The following NUP107 variants were observed in gnomAD, a reference collection of about 807,000 sequenced individuals.
NUP107 encodes the protein nuclear pore complex protein Nup107.
NUP107 carries 101 observed loss-of-function variants against 141.0 expected under a neutral mutation model. That is an observed-to-expected ratio of 0.72 (90% CI 0.61 to 0.84). NUP107 has a LOEUF of 0.84. Among genes scored for constraint, NUP107 ranks in the 40% least tolerant of loss-of-function variants. The pLI, the probability that NUP107 is intolerant of heterozygous loss-of-function variation, is 0.00. For synonymous variants in NUP107, 319 were observed against 363.9 expected (o/e 0.88, Z 1.41); for missense variants, 941 against 1,102.7 (o/e 0.85, Z 2.08).
chr12:68,726,778 A>C (rs568703356), intron 19 of NUP107, among the ~76,000 whole-genome samples, 161 bp downstream of exon 19: 31 of 152,314 alleles, frequency 2.0e-4, no homozygotes, highest in African/African-American at 7.2e-4. Context: ...TAACTCACTG[A>C]GAGTGGCCCT....
In NUP107 at chr12:68,743,641, T is replaced by C. The variant is rs1442778835; in HGVS notation, c.*1179T>C. The C allele has an allele frequency of 2.6e-5, 4 of 152,138 alleles. No homozygotes were observed. The highest frequency in any genetic ancestry group is 9.7e-5 in the African/African-American group (4 of 41,422). 9.4% of individuals were successfully genotyped at this position (152,138 alleles called of 1,614,324 possible). The stretch of plus-strand genomic sequence containing the variant: ...CAAATAGGCTAGAGTGTAGGGCTTA[T>C]AAACAGGAGACAACTAAAAGAATGT... On this transcript the variant is annotated 3_prime_UTR_variant, in exon 28 of 28. Transcript: ENST00000229179.
Position 68,742,232 on chromosome 12 carries a change from G to T in NUP107, c.2671-123G>T, listed in dbSNP as rs547709014. On this transcript the variant is annotated intron_variant, in intron 27 of 27. Coordinates refer to ENST00000229179, the MANE Select transcript of NUP107 (RefSeq NM_020401.4). ...GAACCACTCTAATTTACTAGGCTCT[G>T]GCTACATAAATCTTAAAGAGGCATT... is the stretch of plus-strand genomic sequence containing the variant. The T allele has an allele frequency of 1.8e-5, 12 of 667,844 alleles. No individual in the cohort carries two copies. In the East Asian group the frequency reaches 3.3e-4, roughly 19 times the overall value. The allele number at this position is 667,844 out of a possible 1,614,324, so 41.4% of individuals were successfully genotyped here. A position where few individuals can be genotyped will look rare whatever the true frequency, so the allele number is the denominator to read the frequency against.
intron 12 of NUP107, among the ~76,000 whole-genome samples, chr12:68,718,846 T>TTATGTATGTATG (rs72374995): frequency 3.9e-4 from 58 of 148,958 alleles, no homozygotes; most frequent in East Asian, 1.0e-3. Context: ...TAGAATGCCA[T>TTATGTATGTATG]TATGTATGTA....
Position 68,729,604 on chromosome 12 carries a change from T to A in NUP107, c.1735-1506T>A, listed in dbSNP as rs12578315. On this transcript the variant is annotated intron_variant, in intron 20 of 27. Transcript: ENST00000229179. Reference sequence around the variant, plus strand: ...TATTACAGGTGTGCACCACCACGCCTGGCTAATTTTGTATTTTTAGTAGAG... The same window carrying A: ...TATTACAGGTGTGCACCACCACGCCAGGCTAATTTTGTATTTTTAGTAGAG... Among the ~76,000 whole-genome samples the A allele has an allele frequency of 7.9e-4, 120 of 151,742 alleles. 1 individual carries two copies. In the East Asian group the frequency reaches 0.022, roughly 28 times the overall value.
At chr12:68,730,619 C>T (rs189951400) in intron 20 of NUP107, among the ~76,000 whole-genome samples, 30 of 152,312 alleles carry the variant, frequency 2.0e-4, no homozygotes, top group South Asian at 1.7e-3. Context: ...AAAAAATCCA[C>T]GGTTCAAACC....
chr12:68,734,952 A>G, intron 25 of NUP107, 119 bp downstream of exon 25: 1 of 1,153,540 alleles, frequency 8.7e-7, no homozygotes, highest in Non-Finnish European at 1.2e-6. Flanking sequence ...CTCCCTGTTA[A>G]TGTCCTGCTT....
At chr12:68,719,502 C>G in intron 13 of NUP107, 71 bp downstream of exon 13, 1 of 1,552,550 alleles carries the variant, frequency 6.4e-7, no homozygotes, top group South Asian at 1.1e-5. Flanking sequence ...TCTTTGTGAA[C>G]TATAGCTTCT....
intron 17 of NUP107, 71 bp from the exon 18 acceptor site, chr12:68,725,656 G>T: frequency 1.3e-6 from 1 of 762,558 alleles, no homozygotes; most frequent in Non-Finnish European, 2.2e-6. Flanking sequence ...AACATTTTTA[G>T]TTTAACAGTG....
chr12:68,727,505 C>A lies in NUP107; in HGVS notation c.1734+116C>A, dbSNP rs936442346. ...GAAAGCATCAGAATCCATAAGAGAT[C>A]TTTTAATTATCAGCACAGTTGACCT... On this transcript the variant is annotated intron_variant, in intron 20 of 27. Transcript: ENST00000229179. 1.2e-5 allele frequency: 7 copies of A among 595,396 alleles called. No homozygotes were observed. In the Admixed American group the frequency reaches 1.6e-4, roughly 14 times the overall value. The allele number at this position is 595,396 out of a possible 1,614,324, so 36.9% of individuals were successfully genotyped here.
At chr12:68,741,307 GTTCTGTTT>G (rs1378396687) in intron 26 of NUP107, among the ~76,000 whole-genome samples, 1 of 151,814 alleles carries the variant, frequency 6.6e-6, no homozygotes, top group Non-Finnish European at 1.5e-5. Flanking sequence ...AAATCTATAG[GTTCTGTTT>G]TTCTGTTTTT....
chr12:68,710,660 A>AC (rs1475731484), intron 10 of NUP107, among the ~76,000 whole-genome samples: 3 of 151,706 alleles, frequency 2.0e-5, no homozygotes, highest in Admixed American at 6.6e-5. Flanking sequence ...TTAAAAAAAA[A>AC]AAAAAAAAAC....
chr12:68,707,684 A>G (rs1297016848), intron 8 of NUP107, among the ~76,000 whole-genome samples: 1 of 152,240 alleles, frequency 6.6e-6, no homozygotes, highest in Admixed American at 6.5e-5. Flanking sequence ...ACAACTATTT[A>G]CATATGTAGC....
Position 68,700,805 on chromosome 12 carries a change from T to G in NUP107, c.632T>G (p.Leu211Arg), listed in dbSNP as rs765164848. 12 of 1,610,274 alleles carry G rather than the reference T, an allele frequency of 7.5e-6. No individual in the cohort carries two copies. Among genetic ancestry groups the G allele is most frequent in the African/African-American group, 1.3e-5 (1 of 74,742 alleles). The change falls in exon 7 of 28, where the codon CTT (leucine) becomes CGT (arginine). Residue 211 changes from leucine (L) to arginine (R), a missense_variant. By Grantham distance (102) the Leu-to-Arg change is moderately radical. Coordinates refer to ENST00000229179, the MANE Select transcript of NUP107 (RefSeq NM_020401.4). ...KFSKTASMLW[L>R]LQQEMVTWRL... ...TCAAAAACAGCCAGTATGCTCTGGC[T>G]TCTTCAACAGGAGATGGTCACATGG...
chr12:68,705,900 C>T, intron 8 of NUP107: 1 of 876,456 alleles, frequency 1.1e-6, no homozygotes, highest in South Asian at 1.3e-5. Flanking sequence ...CTGTGTGCAC[C>T]CAGGTGAAGG....
At chr12:68,701,526 A>G (rs1355783718) in intron 7 of NUP107, among the ~76,000 whole-genome samples, 1 of 151,962 alleles carries the variant, frequency 6.6e-6, no homozygotes, top group Non-Finnish European at 1.5e-5. Context: ...TACTAAAAAT[A>G]CAAAAATTAG....
At chr12:68,735,699 T>G (rs1878039412) in intron 26 of NUP107, among the ~76,000 whole-genome samples, 1 of 152,226 alleles carries the variant, frequency 6.6e-6, no homozygotes, top group Non-Finnish European at 1.5e-5. Context: ...ACCTCTGGGC[T>G]GTCCATTTTA....
intron 11 of NUP107, chr12:68,714,447 G>A (rs765269074): frequency 2.6e-5 from 4 of 152,162 alleles, no homozygotes; most frequent in Non-Finnish European, 5.9e-5. Flanking sequence ...GCTGAAAATC[G>A]TTTAATCTTA....
Position 68,707,516 on chromosome 12 carries a change from T to C in NUP107, c.730-1722T>C, listed in dbSNP as rs182260335. Among the ~76,000 whole-genome samples, 303 of 152,288 alleles carry C rather than the reference T, an allele frequency of 2.0e-3. 3 individuals carry two copies. Among genetic ancestry groups the C allele is most frequent in the African/African-American group, 7.2e-3 (300 of 41,558 alleles). Reference sequence around the variant, plus strand: ...TGTGAGGCTGAGATGGGAGGATCGCTTGTGCCCAGGAGGTCAAGAATGTAG... The same window carrying C: ...TGTGAGGCTGAGATGGGAGGATCGCCTGTGCCCAGGAGGTCAAGAATGTAG... On this transcript the variant is annotated intron_variant, in intron 8 of 27. Transcript: ENST00000229179.
chr12:68,705,877 C>A, intron 8 of NUP107: 1 of 828,352 alleles, frequency 1.2e-6, no homozygotes, highest in Non-Finnish European at 2.1e-6. Flanking sequence ...GGAGGTGGAC[C>A]CCAACATCCA....
Sources: gnomAD v4.1 joint callset for allele counts (sites outside exome capture counted in the v4.1 genomes callset) on GRCh38, gnomAD v4.1.1 for gene constraint, MANE v1.5 for transcripts, NCBI Gene and HGNC (gene_info 2026-07-23, HGNC 2026-07-21) for gene names.